The following ESR1 variants were observed in gnomAD, a reference collection of about 807,000 sequenced individuals.
The protein encoded by ESR1 is estrogen receptor.
Under a neutral mutation model 52.7 loss-of-function variants are expected in ESR1, and 12 were observed. The observed-to-expected ratio is 0.23, with a 90% confidence interval of 0.15 to 0.37. ESR1 has a LOEUF of 0.37. Among genes scored for constraint, ESR1 ranks in the 10% least tolerant of loss-of-function variants. The pLI is 1.00. For missense variants in ESR1, 584 were observed against 779.7 expected (o/e 0.75, Z 2.99); for synonymous variants, 305 against 316.8 (o/e 0.96, Z 0.39).
At chr6:151,940,068 T>C (rs1010068007) in intron 3 of ESR1, among the ~76,000 whole-genome samples, 1 of 152,176 alleles carries the variant, frequency 6.6e-6, no homozygotes, top group African/African-American at 2.4e-5. Context: ...CTTAATGAAC[T>C]CACAGTTCCA....
At chr6:151,718,759 G>T (rs117910320) in intron 2 of ESR1, among the ~76,000 whole-genome samples, 1 of 152,198 alleles carries the variant, frequency 6.6e-6, no homozygotes, top group African/African-American at 2.4e-5. Flanking sequence ...GGAGAGCAGA[G>T]TAGAGTGGAA....
chr6:151,778,755 CTG>C (rs1377180075), intron 2 of ESR1, among the ~76,000 whole-genome samples: 1 of 152,086 alleles, frequency 6.6e-6, no homozygotes, highest in Non-Finnish European at 1.5e-5. Context: ...GCTTTGACAA[CTG>C]TGAGATTTTG....
At chr6:152,028,506 C>A (rs918341324) in intron 5 of ESR1, among the ~76,000 whole-genome samples, 32 of 152,322 alleles carry the variant, frequency 2.1e-4, no homozygotes, top group South Asian at 2.1e-4. Context: ...TATCCTGTGC[C>A]TGGCTCAGAG....
At chr6:151,953,080 C>A (rs77542956) in intron 4 of ESR1, among the ~76,000 whole-genome samples, 1 of 152,100 alleles carries the variant, frequency 6.6e-6, no homozygotes, top group African/African-American at 2.4e-5. Flanking sequence ...AGTATAGCTG[C>A]GTTCTTAGAA....
chr6:151,825,608 T>C (rs1278379322), intron 1 of ESR1, among the ~76,000 whole-genome samples: 1 of 151,410 alleles, frequency 6.6e-6, no homozygotes, highest in Non-Finnish European at 1.5e-5. Context: ...AGAGCCAGAG[T>C]GAGGGTTAGA....
chr6:151,816,295 G>C (rs1007157991), intron 1 of ESR1, among the ~76,000 whole-genome samples: 9 of 152,132 alleles, frequency 5.9e-5, no homozygotes, highest in African/African-American at 2.2e-4. Context: ...CTGTATAATA[G>C]AGTGATGAAA....
exon 7 of ESR1, chr6:152,127,059 A>G (rs1202253387): frequency 6.6e-6 from 1 of 152,172 alleles, no homozygotes; most frequent in Non-Finnish European, 1.5e-5. Flanking sequence ...TATATGGTTC[A>G]GGAGACAAGT....
chr6:152,008,242 C>T (rs1257921887), intron 4 of ESR1, among the ~76,000 whole-genome samples: 1 of 152,064 alleles, frequency 6.6e-6, no homozygotes, highest in East Asian at 1.9e-4. Context: ...ACACTCTCTC[C>T]CAACCCTGAC....
intron 2 of ESR1, among the ~76,000 whole-genome samples, chr6:151,798,365 G>A (rs543789853): frequency 9.5e-4 from 145 of 152,156 alleles, no homozygotes; most frequent in Non-Finnish European, 1.5e-3. Flanking sequence ...GAAGGGCAGG[G>A]TGAGAAAAGG....
intron 2 of ESR1, among the ~76,000 whole-genome samples, chr6:151,752,863 T>C (rs531528015): frequency 2.0e-5 from 3 of 152,314 alleles, no homozygotes; most frequent in African/African-American, 7.2e-5. Context: ...TTAAGCAATT[T>C]CCAGAACTAC....
At chr6:151,674,619 T>G (rs1293946) in intron 1 of ESR1, among the ~76,000 whole-genome samples, 68,262 of 152,044 alleles carry the variant, frequency 0.45, 15,756 homozygotes, top group African/African-American at 0.52. Flanking sequence ...CTTCCACAAT[T>G]GTTGAACTAA....
chr6:152,057,151 A>G (rs2128944854), intron 5 of ESR1, among the ~76,000 whole-genome samples: 1 of 152,260 alleles, frequency 6.6e-6, no homozygotes, highest in South Asian at 2.1e-4. Context: ...GCATCAGGCA[A>G]GTGACAAGTA....
intron 2 of ESR1, among the ~76,000 whole-genome samples, chr6:151,846,595 TTA>T (rs1562469760): frequency 6.6e-6 from 1 of 152,212 alleles, no homozygotes; most frequent in East Asian, 1.9e-4. Context: ...GTACATCAGA[TTA>T]TTCTCATGTT....
chr6:151,897,025 T>C (rs965476086), intron 3 of ESR1, among the ~76,000 whole-genome samples: 1 of 152,232 alleles, frequency 6.6e-6, no homozygotes, highest in Non-Finnish European at 1.5e-5. Flanking sequence ...CCAGTTTTAT[T>C]CCACTGTGGA....
chr6:151,719,551 G>T (rs1562353868), intron 2 of ESR1, among the ~76,000 whole-genome samples: 1 of 152,176 alleles, frequency 6.6e-6, no homozygotes, highest in Non-Finnish European at 1.5e-5. Context: ...CCCAGCAAGG[G>T]AGAAAAGATT....
At chr6:151,662,259 A>T (rs949013957) in intron 1 of ESR1, among the ~76,000 whole-genome samples, 3 of 152,228 alleles carry the variant, frequency 2.0e-5, no homozygotes, top group Admixed American at 6.5e-5. Flanking sequence ...CACTTATCAC[A>T]GAAGTCGAAG....
At chr6:151,795,567 A>C (rs1776620245) in intron 2 of ESR1, among the ~76,000 whole-genome samples, 1 of 152,022 alleles carries the variant, frequency 6.6e-6, no homozygotes, top group South Asian at 2.1e-4. Flanking sequence ...TTAAAACTGC[A>C]TGGAGAGATA....
At chr6:151,753,776 C>T (rs906104595) in intron 2 of ESR1, among the ~76,000 whole-genome samples, 6 of 152,180 alleles carry the variant, frequency 3.9e-5, no homozygotes, top group African/African-American at 1.2e-4. Flanking sequence ...TCTGGTTTAA[C>T]TGGTTTATGT....
chr6:151,696,583 C>CTGGT (rs1272506657), intron 1 of ESR1, among the ~76,000 whole-genome samples: 1 of 151,762 alleles, frequency 6.6e-6, no homozygotes, highest in Non-Finnish European at 1.5e-5. Context: ...TGGGAAGTGC[C>CTGGT]TGGTACACAC....
Sources: gnomAD v4.1 joint callset for allele counts (sites outside exome capture counted in the v4.1 genomes callset) on GRCh38, gnomAD v4.1.1 for gene constraint, MANE v1.5 for transcripts, NCBI Gene and HGNC (gene_info 2026-07-23, HGNC 2026-07-21) for gene names.